The following POLR2C variants were observed in gnomAD, a reference collection of about 807,000 sequenced individuals.
The protein encoded by POLR2C is DNA-directed RNA polymerase II subunit RPB3.
A neutral mutation model predicts 41.7 loss-of-function variants in POLR2C; 36 were observed. The ratio of observed to expected loss-of-function variants is 0.86; its 90% CI spans 0.66 to 1.14. The LOEUF is 1.14. Ranked by LOEUF, POLR2C falls within the 50% of genes most tolerant of loss-of-function variation. The probability of loss-of-function intolerance (pLI) is 0.00; values close to 1 mark genes in which losing one functional copy is unlikely to be tolerated. For synonymous variants in POLR2C, 133 were observed against 137.8 expected (o/e 0.96, Z 0.25); for missense variants, 260 against 350.4 (o/e 0.74, Z 2.06).
intron 2 of POLR2C, chr16:57,463,558 A>G (rs1010730407): frequency 2.4e-6 from 1 of 421,944 alleles, no homozygotes; most frequent in Non-Finnish European, 4.8e-6. Flanking sequence ...CAGCTCTAGT[A>G]GTCACCAGTG....
At chr16:57,466,057 G>A (rs748060740) in intron 3 of POLR2C, 36 bp downstream of exon 3, 18 of 1,463,210 alleles carry the variant, frequency 1.2e-5, no homozygotes, top group African/African-American at 1.1e-4. Flanking sequence ...TAAAGGGAGG[G>A]TATTGTGCCT....
rs1179935810 is a variant in POLR2C, at chr16:57,469,799, G to A, written c.439+38G>A. 1.9e-6 allele frequency: 3 copies of A among 1,599,238 alleles called. No individual in the cohort carries two copies. In the South Asian group the frequency reaches 3.3e-5, roughly 18 times the overall value. On this transcript the variant is annotated intron_variant, in intron 6 of 8. Coordinates refer to ENST00000219252, the MANE Select transcript of POLR2C (RefSeq NM_032940.3). This position sits in a 1 kb window ranked among gnomAD's most constrained non-coding sequence, Gnocchi z 5.8. ...GACCTGTCACCGTGTGGGCCAGCGGGAAGGAGGGACCAGACACAGCCTCTC... is the reference window on the plus strand; with the variant it reads ...GACCTGTCACCGTGTGGGCCAGCGGAAAGGAGGGACCAGACACAGCCTCTC...
intron 8 of POLR2C, 179 bp downstream of exon 8, chr16:57,470,533 C>G (rs1276575565): frequency 3.5e-6 from 2 of 579,396 alleles, no homozygotes; most frequent in Admixed American, 3.3e-5. Flanking sequence ...TCGTCAGCCC[C>G]TTTTGGTCAC....
chr16:57,470,069 C>T lies in POLR2C; in HGVS notation c.548C>T (p.Ala183Val). The change falls in exon 7 of 9, where the codon GCT (alanine) becomes GTT (valine). Residue 183 changes from alanine to valine, a missense_variant. Physicochemically the swap from Ala to Val is moderately conservative, Grantham distance 64. Coordinates refer to ENST00000219252, the MANE Select transcript of POLR2C (RefSeq NM_032940.3). ...HAKWNPTAGV[A>V]FEYDPDNALR... ...AAGTGGAACCCTACTGCAGGGGTGG[C>T]TTTTGAATACGATCCAGACAATGCC... The T allele has an allele frequency of 2.5e-6, 4 of 1,614,184 alleles. No homozygotes were observed. Among genetic ancestry groups the T allele is most frequent in the Non-Finnish European group, 3.4e-6 (4 of 1,180,036 alleles).
intron 1 of POLR2C, 48 bp from the exon 2 acceptor site, chr16:57,462,981 C>A: frequency 6.4e-7 from 1 of 1,557,578 alleles, no homozygotes; most frequent in Non-Finnish European, 8.8e-7. Context: ...CGGGCCCAGC[C>A]TGTCGAGGCT....
intron 4 of POLR2C, among the ~76,000 whole-genome samples, chr16:57,467,232 C>CA (rs528613923): frequency 5.3e-4 from 80 of 151,788 alleles, no homozygotes; most frequent in Non-Finnish European, 1.0e-3. Context: ...GACTCCGTCT[C>CA]AAAAAAAAGA....
In POLR2C at chr16:57,469,777, C is replaced by G. The variant is rs1354661358; in HGVS notation, c.439+16C>G. The stretch of plus-strand genomic sequence containing the variant: ...GAGCAGGATGGTAAGTCTTCCTGAC[C>G]TGTCACCGTGTGGGCCAGCGGGAAG... On this transcript the variant is annotated intron_variant, in intron 6 of 8. Transcript: ENST00000219252. This position sits in a 1 kb window ranked among gnomAD's most constrained non-coding sequence, Gnocchi z 5.8. The G allele has an allele frequency of 3.7e-6, 6 of 1,610,286 alleles. No individual in the cohort carries two copies. Among genetic ancestry groups the G allele is most frequent in the African/African-American group, 1.4e-5 (1 of 73,370 alleles).
At position 57,466,201 on chromosome 16, in the gene POLR2C, A is replaced by G; in HGVS notation, c.232A>G (p.Ile78Val). 6.2e-7 allele frequency: 1 copy of G among 1,600,610 alleles called. No homozygotes were observed. The highest frequency in any genetic ancestry group is 8.5e-7 in the Non-Finnish European group (1 of 1,174,234). Residue 78 changes from isoleucine (I) to valine (V), a missense_variant, in exon 4 of 9, where the codon ATT becomes GTT. Physicochemically the swap from Ile to Val is conservative, Grantham distance 29. Coordinates refer to ENST00000219252, the MANE Select transcript of POLR2C (RefSeq NM_032940.3). ...LGLIPLISDDIVDKLQYSRDC... is the reference protein window; with the variant it reads ...LGLIPLISDDVVDKLQYSRDC... Reference sequence around the variant, plus strand: ...ATTAATTCCCCTCATTAGTGATGACATTGTGGACAAGCTGCAGTACTCTCG... The same window carrying G: ...ATTAATTCCCCTCATTAGTGATGACGTTGTGGACAAGCTGCAGTACTCTCG...
chr16:57,463,092 C>T lies in POLR2C; in HGVS notation c.136+14C>T, dbSNP rs764082408. 1.9e-6 allele frequency: 3 copies of T among 1,604,230 alleles called. No homozygotes were observed. Among genetic ancestry groups the T allele is most frequent in the African/African-American group, 1.4e-5 (1 of 73,958 alleles). ...TTCCCATAATAGGTAAGCGACTCCC[C>T]TTCCTCGTTCCCGCGCCCACGGGTT... is the stretch of plus-strand genomic sequence containing the variant. On this transcript the variant is annotated intron_variant, in intron 2 of 8. Coordinates refer to ENST00000219252, the MANE Select transcript of POLR2C (RefSeq NM_032940.3).
rs2030701350 is a variant in POLR2C, at chr16:57,466,038, C to G, written c.205+17C>G. On this transcript the variant is annotated intron_variant, in intron 3 of 8. Transcript: ENST00000219252. ...ACAGGCTTGGTGAGTACTCCTTTTA[C>G]TAGGAGGTTAAAGGGAGGGTATTGT... 6.5e-7 allele frequency: 1 copy of G among 1,538,638 alleles called. No individual in the cohort carries two copies. Among genetic ancestry groups the G allele is most frequent in the Non-Finnish European group, 9.0e-7 (1 of 1,111,856 alleles).
In POLR2C at chr16:57,471,836, C is replaced by G. The variant is rs2030859481; in HGVS notation, c.*717C>G. ...ATTTCATTTCTCCTTAATGAAGGCT[C>G]TGGCCCTAACCCCTCAGCACTGTCT... On this transcript the variant is annotated 3_prime_UTR_variant, in exon 9 of 9. Coordinates refer to ENST00000219252, the MANE Select transcript of POLR2C (RefSeq NM_032940.3). 1 of 152,376 alleles carries G rather than the reference C, an allele frequency of 6.6e-6. No individual in the cohort carries two copies. Among genetic ancestry groups the G allele is most frequent in the South Asian group, 2.1e-4 (1 of 4,824 alleles). The allele number at this position is 152,376 out of a possible 1,614,324, so 9.4% of individuals were successfully genotyped here.
chr16:57,466,658 C>T (rs999487349), intron 4 of POLR2C, among the ~76,000 whole-genome samples: 3 of 152,096 alleles, frequency 2.0e-5, no homozygotes, highest in Non-Finnish European at 4.4e-5. Flanking sequence ...GCAGGTGATG[C>T]TGCTTAAACA....
chr16:57,469,427 AG>A lies in POLR2C; in HGVS notation c.387+135del. On this transcript the variant is annotated intron_variant, in intron 5 of 8. Transcript: ENST00000219252. This position sits in a 1 kb window ranked among gnomAD's most constrained non-coding sequence, Gnocchi z 5.8. ...TACCCTCTGCCTTAATCTGATCCCT[AG>A]AAGTGCTAATTCTGGATTCCTCTTG... 1.0e-6 allele frequency: 1 copy of A among 987,772 alleles called. No individual in the cohort carries two copies. The highest frequency in any genetic ancestry group is 1.6e-6 in the Non-Finnish European group (1 of 632,930). The allele number at this position is 987,772 out of a possible 1,614,324, so 61.2% of individuals were successfully genotyped here.
chr16:57,466,788 C>T (rs1325680381), intron 4 of POLR2C, among the ~76,000 whole-genome samples: 1 of 152,176 alleles, frequency 6.6e-6, no homozygotes, highest in Non-Finnish European at 1.5e-5. Flanking sequence ...TTCATCCTTT[C>T]ACTAGGCTGC....
rs1393797562 is a variant in POLR2C, at chr16:57,469,064, A to G, written c.259-101A>G. ...TGAACCCCTTTTTACAGGTGAAGAA[A>G]CTTAAGGAACTGGGCATTAGATGCA... is the stretch of plus-strand genomic sequence containing the variant. On this transcript the variant is annotated intron_variant, in intron 4 of 8. Transcript: ENST00000219252. The surrounding 1 kb of genome is among the most constrained non-coding windows in gnomAD (Gnocchi z 5.8). 57 of 1,206,826 alleles carry G rather than the reference A, an allele frequency of 4.7e-5. No individual in the cohort carries two copies. Among genetic ancestry groups the G allele is most frequent in the Non-Finnish European group, 6.3e-5 (53 of 842,728 alleles). The allele number at this position is 1,206,826 out of a possible 1,614,324, so 74.8% of individuals were successfully genotyped here. A position where few individuals can be genotyped will look rare whatever the true frequency, so the allele number is the denominator to read the frequency against.
chr16:57,465,757 C>G (rs929542928), intron 2 of POLR2C, 196 bp from the exon 3 acceptor site: 8 of 539,940 alleles, frequency 1.5e-5, no homozygotes, highest in Admixed American at 1.4e-4. Context: ...TTAAATTCAC[C>G]TGGGCAGGGA....
intron 4 of POLR2C, among the ~76,000 whole-genome samples, chr16:57,468,671 A>G (rs1461468488): frequency 6.6e-6 from 1 of 152,176 alleles, no homozygotes; most frequent in African/African-American, 2.4e-5. Context: ...TATGTATGAA[A>G]TTTTCCATAA....
At position 57,469,034 on chromosome 16, in the gene POLR2C, A is replaced by G. The variant is rs2030768264; in HGVS notation, c.259-131A>G. 4.9e-6 allele frequency: 4 copies of G among 824,008 alleles called. No individual in the cohort carries two copies. The Admixed American group carries it at 7.7e-5, about 16-fold the overall frequency. 51.0% of individuals were successfully genotyped at this position (824,008 alleles called of 1,614,324 possible). ...TGTCACAGCCCACAAGAACCTGGAT[A>G]CTGATGAACCCCTTTTTACAGGTGA... is the stretch of plus-strand genomic sequence containing the variant. On this transcript the variant is annotated intron_variant, in intron 4 of 8. Coordinates refer to ENST00000219252, the MANE Select transcript of POLR2C (RefSeq NM_032940.3). This position sits in a 1 kb window ranked among gnomAD's most constrained non-coding sequence, Gnocchi z 5.8.
chr16:57,462,865 C>A, intron 1 of POLR2C, 55 bp downstream of exon 1: 2 of 542,850 alleles, frequency 3.7e-6, no homozygotes, highest in East Asian at 8.2e-5. Flanking sequence ...AGGCCCAAGC[C>A]GGGGCCCCGG....
Sources: gnomAD v4.1 joint callset for allele counts (sites outside exome capture counted in the v4.1 genomes callset) on GRCh38, gnomAD v4.1.1 for gene constraint, Gnocchi (gnomAD v3.1) non-coding constraint, MANE v1.5 for transcripts, NCBI Gene and HGNC (gene_info 2026-07-23, HGNC 2026-07-21) for gene names.